PDCD1: variants seen among roughly 807,000 people sequenced by gnomAD.
PDCD1 encodes the protein programmed cell death 1.
PDCD1 carries 10 observed loss-of-function variants against 23.6 expected under a neutral mutation model. The observed-to-expected ratio is 0.42, with a 90% confidence interval of 0.26 to 0.72. The LOEUF (loss-of-function observed/expected upper bound fraction) is 0.72. Among genes scored for constraint, PDCD1 ranks in the 30% least tolerant of loss-of-function variants. The pLI, the probability that PDCD1 is intolerant of heterozygous loss-of-function variation, is 0.24. For missense variants in PDCD1, 313 were observed against 397.8 expected, an observed-to-expected ratio of 0.79 and a Z score of 1.81; for synonymous variants, 168 against 169.3, an observed-to-expected ratio of 0.99 and a Z score of 0.06.
Position 241,851,257 on chromosome 2 carries a change from T to C in PDCD1, c.668A>G (p.Tyr223Cys), listed in dbSNP as rs2124856605. ...TCGCCACTGGAAATCCAGCTCCCCA[T>C]AGTCCACAGAGAACACAGGCACGGC... ...PSAVPVFSVD[Y>C]GELDFQWREK... Residue 223 changes from tyrosine (Y) to cysteine (C), a missense_variant, in exon 5 of 5, where the codon TAT (tyrosine) becomes TGT (cysteine). Transcript: ENST00000334409. 2.5e-6 allele frequency: 4 copies of C among 1,613,648 alleles called. No individual in the cohort carries two copies. Among genetic ancestry groups the C allele is most frequent in the Admixed American group, 1.7e-5 (1 of 60,000 alleles).
chr2:241,856,211 C>T (rs1005815941), intron 1 of PDCD1, among the ~76,000 whole-genome samples: 4 of 151,840 alleles, frequency 2.6e-5, no homozygotes, highest in African/African-American at 9.7e-5. Context: ...CCCCCCACGG[C>T]GGGAGGACAG....
At chr2:241,853,048 C>T (rs1481909200) in intron 1 of PDCD1, 68 bp from the exon 2 acceptor site, 8 of 1,499,704 alleles carry the variant, frequency 5.3e-6, no homozygotes, top group African/African-American at 1.4e-5. Flanking sequence ...CACCTGCTCA[C>T]ATCCCTCGGG....
At chr2:241,858,071 G>A (rs1701065139) in intron 1 of PDCD1, among the ~76,000 whole-genome samples, 1 of 152,190 alleles carries the variant, frequency 6.6e-6, no homozygotes, top group South Asian at 2.1e-4. Flanking sequence ...GTGAGGCCAA[G>A]GCCTCCCCCA....
intron 1 of PDCD1, among the ~76,000 whole-genome samples, chr2:241,855,690 C>T (rs991082973): frequency 1.3e-5 from 2 of 152,192 alleles, no homozygotes; most frequent in Admixed American, 6.5e-5. Context: ...CTGCCTGCCC[C>T]GGGCGGAGGA....
intron 1 of PDCD1, among the ~76,000 whole-genome samples, chr2:241,857,194 C>G (rs1344797904): frequency 6.6e-6 from 1 of 152,220 alleles, no homozygotes; most frequent in Admixed American, 6.5e-5. Context: ...AAGAGGCATC[C>G]TGGAATGAAG....
At position 241,852,691 on chromosome 2, in the gene PDCD1, G is replaced by A. The variant is rs367833850; in HGVS notation, c.366C>T (p.Leu122=). 2 of 1,613,512 alleles carry A rather than the reference G, an allele frequency of 1.2e-6. No individual in the cohort carries two copies. The highest frequency in any genetic ancestry group is 2.7e-5 in the African/African-American group (2 of 74,926). ...TGGGGGCCAGGGAGATGGCCCCACA[G>A]AGGTAGGTGCCGCTGTCATTGCGCC... The part of the protein sequence containing the change: ...RARRNDSGTY[L]CGAISLAPKA... Residue 122 remains leucine (L), a synonymous_variant, in exon 2 of 5, where the codon CTC becomes CTT. Coordinates refer to ENST00000334409, the MANE Select transcript of PDCD1 (RefSeq NM_005018.3).
rs111342944 is a variant in PDCD1 at position 241,852,000 on chromosome 2, T to C, written c.593-17A>G. 2 of 1,609,604 alleles carry C rather than the reference T, an allele frequency of 1.2e-6. No homozygotes were observed. The highest frequency in any genetic ancestry group is 2.2e-5 in the East Asian group (1 of 44,670). On this transcript the variant is annotated splice_polypyrimidine_tract_variant and intron_variant, in intron 3 of 4. Coordinates refer to ENST00000334409, the MANE Select transcript of PDCD1 (RefSeq NM_005018.3). ...CTATTGTCCCTGCAGAGAAACACAC[T>C]TGGGGTCACCAGGCCGACCCTGAGC...
At chr2:241,851,830 GGT>G in intron 4 of PDCD1, 117 bp downstream of exon 4, 1 of 1,033,406 alleles carries the variant, frequency 9.7e-7, no homozygotes, top group Non-Finnish European at 1.5e-6. Context: ...GGGGAGGTGG[GGT>G]CCTGGCTATA....
At chr2:241,854,502 G>T (rs1234747348) in intron 1 of PDCD1, among the ~76,000 whole-genome samples, 1 of 152,178 alleles carries the variant, frequency 6.6e-6, no homozygotes, top group African/African-American at 2.4e-5. Flanking sequence ...GACTCTCAGG[G>T]CCAGCAGGCA....
Position 241,851,211 on chromosome 2 carries a change from G to A in PDCD1, c.714C>T (p.Pro238=), listed in dbSNP as rs975903440. 14 of 1,613,414 alleles carry A rather than the reference G, an allele frequency of 8.7e-6. No individual in the cohort carries two copies. Among genetic ancestry groups the A allele is most frequent in the Middle Eastern group, 1.7e-4 (1 of 6,058 alleles). ...FQWREKTPEP[P]VPCVPEQTEY... ...CCGTCTGCTCAGGGACACAGGGCAC[G>A]GGGGGCTCCGGGGTCTTCTCTCGCC... is the stretch of plus-strand genomic sequence containing the variant. Residue 238 remains proline (P), a synonymous_variant, in exon 5 of 5, where the codon CCC becomes CCT. Transcript: ENST00000334409.
rs374271577 is a variant in PDCD1, at chr2:241,858,874, A to G, written c.-36T>C. 6 of 1,530,034 alleles carry G rather than the reference A, an allele frequency of 3.9e-6. No homozygotes were observed. The highest frequency in any genetic ancestry group is 4.4e-6 in the Non-Finnish European group (5 of 1,126,732). 94.8% of individuals were successfully genotyped at this position (1,530,034 alleles called of 1,614,324 possible). On this transcript the variant is annotated 5_prime_UTR_variant, in exon 1 of 5. Coordinates refer to ENST00000334409, the MANE Select transcript of PDCD1 (RefSeq NM_005018.3). ...GCCCCACCAGAGTGCCGCCTTCTCCACTGCTCAGGCGGAGGTGAGCGGAAG... is the reference window on the plus strand; with the variant it reads ...GCCCCACCAGAGTGCCGCCTTCTCCGCTGCTCAGGCGGAGGTGAGCGGAAG...
intron 1 of PDCD1, among the ~76,000 whole-genome samples, chr2:241,858,532 C>T (rs1027500743): frequency 7.2e-6 from 1 of 138,216 alleles, no homozygotes; most frequent in African/African-American, 2.6e-5. Flanking sequence ...CTGCCCAAAG[C>T]CACACAGCTC....
rs1700883371 is a variant in PDCD1, at chr2:241,850,828, G to T, written c.*230C>A. 2 of 624,418 alleles carry T rather than the reference G, an allele frequency of 3.2e-6. No individual in the cohort carries two copies. Among genetic ancestry groups the T allele is most frequent in the Non-Finnish European group, 5.7e-6 (2 of 351,230 alleles). 38.7% of individuals were successfully genotyped at this position (624,418 alleles called of 1,614,324 possible). On this transcript the variant is annotated 3_prime_UTR_variant, in exon 5 of 5. Transcript: ENST00000334409. ...GCAGTGACTGCATCTGGCCCTCCCT[G>T]TAGGGGACGGTGACACCTGCTGCCT...
intron 1 of PDCD1, among the ~76,000 whole-genome samples, chr2:241,856,813 TC>T (rs1490335219): frequency 2.6e-5 from 4 of 152,110 alleles, no homozygotes; most frequent in Non-Finnish European, 5.9e-5. Flanking sequence ...CAAGACCCTG[TC>T]ACTAAAAGAA....
In PDCD1 at chr2:241,850,827, T is replaced by C. The variant is rs900145456; in HGVS notation, c.*231A>G. 26 of 623,050 alleles carry C rather than the reference T, an allele frequency of 4.2e-5. No homozygotes were observed. The highest frequency in any genetic ancestry group is 7.1e-5 in the Non-Finnish European group (25 of 350,014). The allele number at this position is 623,050 out of a possible 1,614,324, so 38.6% of individuals were successfully genotyped here. A position where few individuals can be genotyped will look rare whatever the true frequency, so the allele number is the denominator to read the frequency against. On this transcript the variant is annotated 3_prime_UTR_variant, in exon 5 of 5. Transcript: ENST00000334409. ...AGCAGTGACTGCATCTGGCCCTCCC[T>C]GTAGGGGACGGTGACACCTGCTGCC... is the stretch of plus-strand genomic sequence containing the variant.
rs6605259 is a variant in PDCD1, at chr2:241,850,699, C to A, written c.*359G>T. Reference sequence around the variant, plus strand: ...GGCTCCGGGGCGTCAGGCAGGGCCACGGCGCCTTCAGCCCCGGGCCGCAGG... The same window carrying A: ...GGCTCCGGGGCGTCAGGCAGGGCCAAGGCGCCTTCAGCCCCGGGCCGCAGG... On this transcript the variant is annotated 3_prime_UTR_variant, in exon 5 of 5. Coordinates refer to ENST00000334409, the MANE Select transcript of PDCD1 (RefSeq NM_005018.3). The A allele has an allele frequency of 1.9e-6, 1 of 534,028 alleles. No individual in the cohort carries two copies. The highest frequency in any genetic ancestry group is 3.5e-6 in the Non-Finnish European group (1 of 283,698). The allele number at this position is 534,028 out of a possible 1,614,324, so 33.1% of individuals were successfully genotyped here.
At chr2:241,852,449 A>G in intron 2 of PDCD1, 96 bp from the exon 3 acceptor site, 1 of 1,137,462 alleles carries the variant, frequency 8.8e-7, no homozygotes, top group South Asian at 1.5e-5. Context: ...GTGCTTCCAG[A>G]GCTAGAGGAC....
Position 241,852,634 on chromosome 2 carries a change from C to G in PDCD1, c.423G>C (p.Glu141Asp), listed in dbSNP as rs2124860021. 6.2e-7 allele frequency: 1 copy of G among 1,611,694 alleles called. No individual in the cohort carries two copies. Among genetic ancestry groups the G allele is most frequent in the Non-Finnish European group, 8.5e-7 (1 of 1,179,452 alleles). The change falls in exon 2 of 5, where the codon GAG (glutamate) becomes GAC (aspartate). Residue 141 changes from glutamate to aspartate, a missense_variant. By Grantham distance (45) the Glu-to-Asp change is conservative. This residue lies in a region of PDCD1 where 20 missense variants were observed against 53.3 expected (regional missense o/e 0.38). Coordinates refer to ENST00000334409, the MANE Select transcript of PDCD1 (RefSeq NM_005018.3). ...CCGAGGCCGCACCTGTCACCCTGAG[C>G]TCTGCCCGCAGGCTCTCTTTGATCT... ...KAQIKESLRA[E>D]LRVTERRAEV... is the part of the protein sequence containing the mutation.
At chr2:241,852,518 GT>G in intron 2 of PDCD1, 102 bp downstream of exon 2, 1 of 1,397,624 alleles carries the variant, frequency 7.2e-7, no homozygotes, top group East Asian at 2.4e-5. Context: ...GAGCTGGGGG[GT>G]CCCTGCCCTA....
Sources: gnomAD v4.1 joint callset for allele counts (sites outside exome capture counted in the v4.1 genomes callset) on GRCh38, gnomAD v4.1.1 for gene constraint, gnomAD v4.1.1 regional missense constraint, MANE v1.5 for transcripts, NCBI Gene and HGNC (gene_info 2026-07-23, HGNC 2026-07-21) for gene names.